Variants in HYCC2 observed in about 807,000 individuals in gnomAD.
The protein encoded by HYCC2 is hyccin 2.
chr2:201,032,735 T>C, the HYCC2 span, among the ~76,000 whole-genome samples: 1 of 152,150 alleles, frequency 6.6e-6, no homozygotes, highest in Non-Finnish European at 1.5e-5. Context: ...TAGCTCACTG[T>C]AGTCTCAAAC....
the HYCC2 span, among the ~76,000 whole-genome samples, chr2:201,053,004 T>G: frequency 6.6e-6 from 1 of 152,174 alleles, no homozygotes; most frequent in Non-Finnish European, 1.5e-5. Context: ...CCAGAAATAG[T>G]GCCGCTTCTC....
At chr2:201,042,362 T>C in the HYCC2 span, among the ~76,000 whole-genome samples, 3 of 152,096 alleles carry the variant, frequency 2.0e-5, no homozygotes, top group African/African-American at 7.2e-5. Flanking sequence ...GATTGCAGCC[T>C]CTGCCCGGCC....
At chr2:201,019,268 T>C in the HYCC2 span, among the ~76,000 whole-genome samples, 1 of 152,210 alleles carries the variant, frequency 6.6e-6, no homozygotes, top group Admixed American at 6.6e-5. Context: ...ATTTCTTCTA[T>C]GAAGACCTTA....
chr2:201,035,872 G>A, the HYCC2 span, among the ~76,000 whole-genome samples: 3 of 152,270 alleles, frequency 2.0e-5, no homozygotes, highest in Non-Finnish European at 4.4e-5. Flanking sequence ...GTCCACTCCA[G>A]ACCCTGTTTG....
the HYCC2 span, among the ~76,000 whole-genome samples, chr2:201,054,606 A>G: frequency 1.1e-3 from 165 of 152,294 alleles, no homozygotes; most frequent in African/African-American, 3.8e-3. Context: ...TCTGGGTGCT[A>G]AAGCTTGGGC....
chr2:201,027,160 C>CTA, the HYCC2 span, among the ~76,000 whole-genome samples: 1 of 152,166 alleles, frequency 6.6e-6, no homozygotes, highest in Non-Finnish European at 1.5e-5. Flanking sequence ...GAAATACAAG[C>CTA]TACCATCAGA....
chr2:201,003,820 T>C, the HYCC2 span, among the ~76,000 whole-genome samples: 32 of 142,536 alleles, frequency 2.2e-4, no homozygotes, highest in African/African-American at 6.7e-4. Flanking sequence ...TTTTTTTTTT[T>C]TTTTTTTTTG....
At chr2:201,049,358 C>CT in the HYCC2 span, among the ~76,000 whole-genome samples, 577 of 150,748 alleles carry the variant, frequency 3.8e-3, no homozygotes, top group Non-Finnish European at 6.3e-3. Context: ...TTTTTCTTTT[C>CT]TTTTTTTTTG....
chr2:201,031,924 A>G, the HYCC2 span, among the ~76,000 whole-genome samples: 64 of 152,138 alleles, frequency 4.2e-4, no homozygotes, highest in Admixed American at 4.2e-3. Flanking sequence ...CTAGTTTTGC[A>G]CAAGGACTGC....
the HYCC2 span, among the ~76,000 whole-genome samples, chr2:201,026,728 G>A: frequency 2.0e-5 from 3 of 152,148 alleles, no homozygotes; most frequent in Non-Finnish European, 4.4e-5. Context: ...GGTAAATAAG[G>A]AAATGAAGGC....
the HYCC2 span, among the ~76,000 whole-genome samples, chr2:201,029,030 T>C: frequency 1.3e-5 from 2 of 152,152 alleles, no homozygotes; most frequent in Non-Finnish European, 2.9e-5. Context: ...ACCTACAGAA[T>C]GGGAGAAAAT....
the HYCC2 span, among the ~76,000 whole-genome samples, chr2:200,982,701 T>C: frequency 6.6e-6 from 1 of 152,312 alleles, no homozygotes; most frequent in African/African-American, 2.4e-5. Context: ...AATCACAAAA[T>C]ACGATAGTGT....
At chr2:201,025,082 T>C in the HYCC2 span, among the ~76,000 whole-genome samples, 2 of 152,092 alleles carry the variant, frequency 1.3e-5, no homozygotes, top group Admixed American at 6.6e-5. Flanking sequence ...CACTGCACTC[T>C]AGCCTAGGCA....
the HYCC2 span, among the ~76,000 whole-genome samples, chr2:201,060,602 A>G: frequency 6.6e-6 from 1 of 152,040 alleles, no homozygotes; most frequent in Non-Finnish European, 1.5e-5. Context: ...GCCCTTGACA[A>G]CTCCACAGAG....
At chr2:201,053,928 T>C in the HYCC2 span, among the ~76,000 whole-genome samples, 3 of 152,090 alleles carry the variant, frequency 2.0e-5, no homozygotes, top group South Asian at 2.1e-4. Context: ...TGCACCACTG[T>C]ACTTGATCCT....
At chr2:201,022,192 A>C in the HYCC2 span, 1 of 751,968 alleles carries the variant, frequency 1.3e-6, no homozygotes. Context: ...GTGGTGATAA[A>C]ACTGTATGTC....
At chr2:201,001,746 C>T in the HYCC2 span, among the ~76,000 whole-genome samples, 3 of 151,970 alleles carry the variant, frequency 2.0e-5, no homozygotes, top group Non-Finnish European at 4.4e-5. Flanking sequence ...AATCTCGGCT[C>T]ACTGCAACCT....
the HYCC2 span, chr2:201,017,225 G>GTTTTT: frequency 9.4e-7 from 1 of 1,067,930 alleles, no homozygotes; most frequent in Non-Finnish European, 1.3e-6. Context: ...TGTAACTGTT[G>GTTTTT]TTTTTTTTTT....
At chr2:200,974,849 C>G in the HYCC2 span, 2 of 151,678 alleles carry the variant, frequency 1.3e-5, no homozygotes, top group African/African-American at 4.8e-5. Context: ...TCCTGTTTTT[C>G]TGCAAAGAAA....
Sources: gnomAD v4.1 joint callset for allele counts (sites outside exome capture counted in the v4.1 genomes callset) on GRCh38, gnomAD v4.1.1 for gene constraint, MANE v1.5 for transcripts, NCBI Gene and HGNC (gene_info 2026-07-23, HGNC 2026-07-21) for gene names.